HGD: variants seen among roughly 807,000 people sequenced by gnomAD.
HGD encodes the protein homogentisate oxidase.
In HGD, 61 loss-of-function variants were observed where a neutral mutation model predicts 60.8. The observed-to-expected ratio is 1.00, with a 90% CI of 0.82 to 1.24. HGD has a LOEUF of 1.24. Ranked by LOEUF, HGD falls within the 50% of genes most tolerant of loss-of-function variation. HGD has a pLI of 0.00. For missense variants in HGD, 542 were observed against 547.1 expected, an observed-to-expected ratio of 0.99 and a Z score of 0.09; for synonymous variants, 212 against 187.7, an observed-to-expected ratio of 1.13 and a Z score of -1.06.
At chr3:120,636,426 G>A (rs1305262840) in intron 12 of HGD, among the ~76,000 whole-genome samples, 2 of 152,184 alleles carry the variant, frequency 1.3e-5, no homozygotes, top group Non-Finnish European at 2.9e-5. Context: ...CCAGCTGACT[G>A]TGACACATGG....
intron 4 of HGD, among the ~76,000 whole-genome samples, chr3:120,663,061 A>G (rs1230031622): frequency 6.6e-6 from 1 of 152,186 alleles, no homozygotes; most frequent in African/African-American, 2.4e-5. Flanking sequence ...CGATACCTCA[A>G]TCTTGGAATC....
chr3:120,648,372 T>C (rs988522260), intron 6 of HGD, among the ~76,000 whole-genome samples: 1 of 151,950 alleles, frequency 6.6e-6, no homozygotes, highest in Non-Finnish European at 1.5e-5. Flanking sequence ...GCGGCTCAAG[T>C]GGAGAGAGGG....
intron 4 of HGD, among the ~76,000 whole-genome samples, chr3:120,660,515 T>C (rs1213967044): frequency 6.6e-6 from 1 of 152,178 alleles, no homozygotes; most frequent in Non-Finnish European, 1.5e-5. Flanking sequence ...TCCAAGTCAC[T>C]GTAATTTAGA....
At chr3:120,646,687 C>CTACTGCCA (rs1941175569) in intron 8 of HGD, among the ~76,000 whole-genome samples, 1 of 151,716 alleles carries the variant, frequency 6.6e-6, no homozygotes, top group Non-Finnish European at 1.5e-5. Flanking sequence ...TTCACTGCCT[C>CTACTGCCA]TACTGCCATT....
chr3:120,676,905 C>T (rs2733817), intron 1 of HGD, among the ~76,000 whole-genome samples: 21,022 of 152,178 alleles, frequency 0.14, 1,695 homozygotes, highest in Middle Eastern at 0.23. Context: ...CAGCTGAAGC[C>T]ATGGCAGAAG....
chr3:120,668,755 TATC>T (rs1707957932), intron 4 of HGD, among the ~76,000 whole-genome samples: 1 of 151,614 alleles, frequency 6.6e-6, no homozygotes, highest in Admixed American at 6.6e-5. Context: ...AGGCAAATGT[TATC>T]ATCCCATTTT....
chr3:120,650,499 C>T (rs1375623167), intron 6 of HGD, among the ~76,000 whole-genome samples: 1 of 152,246 alleles, frequency 6.6e-6, no homozygotes, highest in East Asian at 1.9e-4. Flanking sequence ...TCGATCTACT[C>T]CTGCATTCCA....
At chr3:120,641,186 T>C (rs1277597039) in intron 11 of HGD, among the ~76,000 whole-genome samples, 5 of 152,168 alleles carry the variant, frequency 3.3e-5, no homozygotes, top group Non-Finnish European at 7.3e-5. Flanking sequence ...AAGTCAGAGA[T>C]CATAGAGGAG....
intron 4 of HGD, among the ~76,000 whole-genome samples, chr3:120,655,935 G>A (rs565582559): frequency 2.0e-4 from 31 of 152,206 alleles, no homozygotes; most frequent in Non-Finnish European, 4.0e-4. Flanking sequence ...AAGGATGCTT[G>A]CTGACTGATT....
At chr3:120,658,107 C>T (rs900090289) in intron 4 of HGD, among the ~76,000 whole-genome samples, 10 of 152,288 alleles carry the variant, frequency 6.6e-5, no homozygotes, top group Non-Finnish European at 1.3e-4. Flanking sequence ...AATCTCCTGT[C>T]CTTCTCACAT....
intron 1 of HGD, among the ~76,000 whole-genome samples, chr3:120,681,086 A>G (rs1468934614): frequency 2.6e-5 from 4 of 152,238 alleles, no homozygotes; most frequent in African/African-American, 4.8e-5. Flanking sequence ...CAGGATTCCT[A>G]CCAATTAGGA....
chr3:120,633,423 C>A, intron 12 of HGD, 95 bp from the exon 13 acceptor site: 4 of 1,606,992 alleles, frequency 2.5e-6, no homozygotes, highest in Non-Finnish European at 2.5e-6. Flanking sequence ...ATTCCAAGAA[C>A]ACAGGAGAAA....
intron 4 of HGD, chr3:120,670,218 T>A (rs1707994223): frequency 1.7e-6 from 1 of 592,916 alleles, no homozygotes; most frequent in African/African-American, 1.9e-5. Context: ...CTTTATAAAT[T>A]ACCCAGTCTT....
At chr3:120,677,602 C>T (rs1708155392) in intron 1 of HGD, among the ~76,000 whole-genome samples, 3 of 152,224 alleles carry the variant, frequency 2.0e-5, no homozygotes, top group Admixed American at 2.0e-4. Flanking sequence ...ACTTCATTAG[C>T]AATTTTAATT....
intron 1 of HGD, among the ~76,000 whole-genome samples, chr3:120,676,523 T>C (rs766668876): frequency 6.6e-6 from 1 of 152,198 alleles, no homozygotes; most frequent in Non-Finnish European, 1.5e-5. Context: ...CTCAACACAC[T>C]TGTGAGTTCT....
At chr3:120,660,352 G>T (rs187620834) in intron 4 of HGD, among the ~76,000 whole-genome samples, 1 of 152,132 alleles carries the variant, frequency 6.6e-6, no homozygotes, top group African/African-American at 2.4e-5. Context: ...AAGATAGGAA[G>T]GATTAAAATA....
In HGD at chr3:120,628,491, T is replaced by C; in HGVS notation, c.1227A>G (p.Thr409=). ...ACCTGGAGGCCTTGAGTCCCCACTT[T>C]GTGACCGCCAGACTTAAAGATGATT... The part of the protein sequence containing the change: ...MFESSLSLAV[T]KWGLKASRCL... Residue 409 remains threonine (T), a synonymous_variant, in exon 14 of 14, where the codon ACA becomes ACG. Transcript: ENST00000283871. The C allele has an allele frequency of 6.2e-7, 1 of 1,614,084 alleles. No homozygotes were observed. The highest frequency in any genetic ancestry group is 8.5e-7 in the Non-Finnish European group (1 of 1,179,984).
intron 4 of HGD, among the ~76,000 whole-genome samples, chr3:120,657,610 T>G (rs549292194): frequency 6.6e-6 from 1 of 152,246 alleles, no homozygotes; most frequent in South Asian, 2.1e-4. Flanking sequence ...ATAGTGTACA[T>G]ATTAGTCTGT....
chr3:120,674,702 T>G (rs1243870837), intron 3 of HGD, 199 bp downstream of exon 3: 2 of 566,626 alleles, frequency 3.5e-6, no homozygotes, highest in East Asian at 6.7e-5. Context: ...TGTGCAGCTT[T>G]CCTTCACCTT....
Sources: gnomAD v4.1 joint callset for allele counts (sites outside exome capture counted in the v4.1 genomes callset) on GRCh38, gnomAD v4.1.1 for gene constraint, MANE v1.5 for transcripts, NCBI Gene and HGNC (gene_info 2026-07-23, HGNC 2026-07-21) for gene names.